GRIA1: variants seen among roughly 807,000 people sequenced by gnomAD.
GRIA1 encodes glutamate receptor 1.
In GRIA1, 31 loss-of-function variants were observed where a neutral mutation model predicts 99.2. That is an observed-to-expected ratio of 0.31 (90% CI 0.23 to 0.42). GRIA1 has a LOEUF of 0.42. Among genes scored for constraint, GRIA1 ranks in the 10% least tolerant of loss-of-function variants. The pLI, the probability that GRIA1 is intolerant of heterozygous loss-of-function variation, is 1.00. For synonymous variants in GRIA1, 438 were observed against 432.4 expected, an observed-to-expected ratio of 1.01 and a Z score of -0.16; for missense variants, 782 against 1,157.5, an observed-to-expected ratio of 0.68 and a Z score of 4.71.
intron 2 of GRIA1, among the ~76,000 whole-genome samples, chr5:153,496,993 A>T (rs1388286919): frequency 6.6e-6 from 1 of 151,938 alleles, no homozygotes; most frequent in Non-Finnish European, 1.5e-5. Context: ...GTGTAATGGG[A>T]CCTGTTCATG....
chr5:153,540,240 C>A (rs1406654289), intron 2 of GRIA1, among the ~76,000 whole-genome samples: 2 of 152,206 alleles, frequency 1.3e-5, no homozygotes, highest in African/African-American at 4.8e-5. Context: ...TTAGCGAGAT[C>A]TCTTGCAAAG....
chr5:153,595,404 T>C (rs555337424), intron 2 of GRIA1, among the ~76,000 whole-genome samples: 1 of 152,286 alleles, frequency 6.6e-6, no homozygotes, highest in Non-Finnish European at 1.5e-5. Flanking sequence ...TACTAATACA[T>C]TATTATTAAC....
intron 15 of GRIA1, among the ~76,000 whole-genome samples, chr5:153,809,189 T>A (rs1353866032): frequency 6.6e-6 from 1 of 152,238 alleles, no homozygotes; most frequent in African/African-American, 2.4e-5. Context: ...TTATTTTCTC[T>A]TCAACATTTT....
intron 2 of GRIA1, among the ~76,000 whole-genome samples, chr5:153,543,932 GA>G (rs1349325610): frequency 6.6e-6 from 1 of 151,580 alleles, no homozygotes; most frequent in East Asian, 1.9e-4. Context: ...AGTCCTGTGG[GA>G]AAAAATAAAG....
intron 13 of GRIA1, among the ~76,000 whole-genome samples, chr5:153,781,685 T>G (rs1179578483): frequency 6.6e-6 from 1 of 151,740 alleles, no homozygotes. Flanking sequence ...TCCTACTATA[T>G]AGACCACATA....
Position 153,799,086 on chromosome 5 carries a change from C to T in GRIA1, c.2386-3270C>T, listed in dbSNP as rs907111530. On this transcript the variant is annotated intron_variant, in intron 14 of 15. Transcript: ENST00000285900. ...AGGTGAATTGTGACTTTTCCACCCC[C>T]CCCTGACAAGCTGCCTAGCTTTTCT... Among the ~76,000 whole-genome samples, 109 of 151,298 alleles carry T rather than the reference C, an allele frequency of 7.2e-4. 1 individual carries two copies. Among genetic ancestry groups the T allele is most frequent in the Non-Finnish European group, 1.9e-4 (13 of 67,992 alleles).
chr5:153,778,099 T>C (rs13167420), intron 13 of GRIA1, among the ~76,000 whole-genome samples: 5 of 149,452 alleles, frequency 3.3e-5, no homozygotes, highest in Non-Finnish European at 7.4e-5. Flanking sequence ...AAAGGAGAGA[T>C]AGAAAAAAAT....
intron 2 of GRIA1, among the ~76,000 whole-genome samples, chr5:153,610,480 C>G (rs961874562): frequency 2.0e-5 from 3 of 152,162 alleles, no homozygotes; most frequent in Non-Finnish European, 4.4e-5. Context: ...TTGTTGTTAT[C>G]GTTGTTGTTG....
intron 2 of GRIA1, among the ~76,000 whole-genome samples, chr5:153,499,390 C>A (rs1268779166): frequency 1.3e-5 from 2 of 151,792 alleles, no homozygotes; most frequent in Non-Finnish European, 2.9e-5. Context: ...CCGAGGTGGG[C>A]AGATCATGAG....
In GRIA1 at chr5:153,762,905, T is replaced by G. The variant is rs149098554; in HGVS notation, c.1824-1529T>G. 4.3e-3 allele frequency among the ~76,000 whole-genome samples: 655 copies of G among 152,290 alleles called. 9 individuals carry two copies. The highest frequency in any genetic ancestry group is 0.015 in the African/African-American group (620 of 41,560). On this transcript the variant is annotated intron_variant, in intron 11 of 15. Transcript: ENST00000285900. ...TTCTACAAAGTTCTCCTAAATCAGG[T>G]CACATAGTACAAGCCTCATGCCAAC... is the stretch of plus-strand genomic sequence containing the variant.
intron 5 of GRIA1, among the ~76,000 whole-genome samples, chr5:153,659,336 G>C (rs977351332): frequency 6.6e-6 from 1 of 152,102 alleles, no homozygotes; most frequent in South Asian, 2.1e-4. Context: ...CATAGCATTG[G>C]TGTGGGCATA....
At chr5:153,613,667 A>G (rs1766204413) in intron 2 of GRIA1, among the ~76,000 whole-genome samples, 1 of 151,446 alleles carries the variant, frequency 6.6e-6, no homozygotes, top group South Asian at 2.1e-4. Flanking sequence ...GACAAACCAC[A>G]ATGGCTTTTG....
intron 2 of GRIA1, among the ~76,000 whole-genome samples, chr5:153,560,323 C>A (rs1157114212): frequency 1.3e-5 from 2 of 152,150 alleles, no homozygotes; most frequent in African/African-American, 4.8e-5. Flanking sequence ...ATTGTCATCT[C>A]CTTCTAGATA....
chr5:153,719,927 G>T (rs551906716), intron 11 of GRIA1, among the ~76,000 whole-genome samples: 2 of 152,272 alleles, frequency 1.3e-5, no homozygotes, highest in African/African-American at 4.8e-5. Context: ...TCAATAAAAG[G>T]CATGTGCTCT....
intron 2 of GRIA1, among the ~76,000 whole-genome samples, chr5:153,567,916 G>C (rs1035340030): frequency 6.6e-6 from 1 of 152,126 alleles, no homozygotes; most frequent in Non-Finnish European, 1.5e-5. Context: ...GAATTATTCC[G>C]AGTACAGTAT....
chr5:153,612,236 T>A (rs1766056475), intron 2 of GRIA1, among the ~76,000 whole-genome samples: 1 of 152,178 alleles, frequency 6.6e-6, no homozygotes, highest in South Asian at 2.1e-4. Flanking sequence ...TGAGAAGGGA[T>A]AAGGAGAGAG....
intron 2 of GRIA1, among the ~76,000 whole-genome samples, chr5:153,529,861 C>T (rs1310482246): frequency 6.6e-6 from 1 of 151,936 alleles, no homozygotes; most frequent in African/African-American, 2.4e-5. Flanking sequence ...TAAAATGAGC[C>T]CTCTCATTTC....
intron 2 of GRIA1, among the ~76,000 whole-genome samples, chr5:153,634,267 G>A (rs570482126): frequency 2.3e-4 from 34 of 150,248 alleles, no homozygotes; most frequent in African/African-American, 7.6e-4. Flanking sequence ...GCAGTGAGCC[G>A]AGATCGCGCC....
intron 3 of GRIA1, among the ~76,000 whole-genome samples, chr5:153,648,756 T>G (rs761259574): frequency 2.0e-5 from 3 of 152,132 alleles, no homozygotes; most frequent in Non-Finnish European, 2.9e-5. Flanking sequence ...TTAACTGTGT[T>G]ACTGAAAGTC....
Sources: allele counts gnomAD v4.1 joint callset (sites outside exome capture counted in the v4.1 genomes callset), GRCh38; gene constraint gnomAD v4.1.1; transcripts MANE v1.5; gene names NCBI Gene and HGNC (gene_info 2026-07-23, HGNC 2026-07-21).